Variants in FAM228B observed in about 807,000 individuals in gnomAD.
FAM228B encodes the protein protein FAM228B.
FAM228B carries 38 observed loss-of-function variants against 42.6 expected under a neutral mutation model. The ratio of observed to expected loss-of-function variants is 0.89; its 90% confidence interval spans 0.69 to 1.17. FAM228B has a LOEUF of 1.17. Ranked by LOEUF, FAM228B falls within the 50% of genes most tolerant of loss-of-function variation. FAM228B has a pLI of 0.00. For missense variants in FAM228B, 344 were observed against 367.3 expected (o/e 0.94, Z 0.52); for synonymous variants, 109 against 122.3 (o/e 0.89, Z 0.72).
intron 5 of FAM228B, among the ~76,000 whole-genome samples, chr2:24,145,077 A>C (rs1666861492): frequency 6.6e-6 from 1 of 152,100 alleles, no homozygotes; most frequent in Non-Finnish European, 1.5e-5. Flanking sequence ...ATTGCCCACA[A>C]CATGACCAGT....
intron 1 of FAM228B, chr2:24,079,180 T>C (rs943999485): frequency 1.3e-5 from 6 of 445,974 alleles, no homozygotes; most frequent in East Asian, 3.7e-5. Context: ...CTTCCTAATA[T>C]AGTCAGTGCT....
upstream of FAM228B, chr2:24,122,541 C>G: frequency 6.3e-7 from 1 of 1,598,784 alleles, no homozygotes; most frequent in Non-Finnish European, 8.6e-7. Context: ...CTCATGTTCC[C>G]TCAACTCTGA....
At chr2:24,094,814 C>T (rs1026671449) in intron 2 of FAM228B, among the ~76,000 whole-genome samples, 5 of 152,162 alleles carry the variant, frequency 3.3e-5, no homozygotes, top group Non-Finnish European at 7.3e-5. Context: ...TCAATTGGGC[C>T]GGGTGCGGTG....
At chr2:24,082,985 G>C (rs149172944) in intron 2 of FAM228B, 1 of 1,614,060 alleles carries the variant, frequency 6.2e-7, no homozygotes, top group African/African-American at 1.3e-5. Context: ...GGAGCCCTTC[G>C]GGGACAGTGA....
chr2:24,138,238 A>G, intron 4 of FAM228B, 138 bp downstream of exon 4: 1 of 618,466 alleles, frequency 1.6e-6, no homozygotes, highest in Non-Finnish European at 2.7e-6. Flanking sequence ...AATAGCATAA[A>G]GTATTCTTAA....
intron 2 of FAM228B, among the ~76,000 whole-genome samples, chr2:24,090,992 A>G (rs985924645): frequency 6.6e-6 from 1 of 152,166 alleles, no homozygotes; most frequent in African/African-American, 2.4e-5. Context: ...TGTAGATACG[A>G]GGTTATGCCA....
chr2:24,146,890 C>T lies in FAM228B; in HGVS notation c.530-40C>T, dbSNP rs534890470. 113 of 1,539,092 alleles carry T rather than the reference C, an allele frequency of 7.3e-5. 3 individuals carry two copies. In the South Asian group the frequency reaches 1.3e-3, roughly 18 times the overall value. ...CATAGCCCAAGAGCAATGGCAGATG[C>T]ATTTAAGGATGTTAATTTAGATTTT... On this transcript the variant is annotated intron_variant, in intron 6 of 10. Transcript: ENST00000615575.
rs1664915000 is a variant in FAM228B, at chr2:24,079,634, C to G, written c.-289-1242C>G. ...TATGCAGTCTAGAATAAGATTAACT[C>G]CAGCACCTTCCATAGGAAACAGATT... On this transcript the variant is annotated intron_variant, in intron 1 of 10. Coordinates refer to the FAM228B transcript ENST00000613899. 1 of 1,613,606 alleles carries G rather than the reference C, an allele frequency of 6.2e-7. No individual in the cohort carries two copies. The highest frequency in any genetic ancestry group is 8.5e-7 in the Non-Finnish European group (1 of 1,179,698).
chr2:24,091,260 C>T (rs962336702), intron 2 of FAM228B, among the ~76,000 whole-genome samples: 1 of 152,160 alleles, frequency 6.6e-6, no homozygotes, highest in African/African-American at 2.4e-5. Context: ...GGTGAAACCC[C>T]GCCTCTACTA....
At chr2:24,116,876 CAA>C (rs764310244) in intron 3 of FAM228B, among the ~76,000 whole-genome samples, 4 of 113,558 alleles carry the variant, frequency 3.5e-5, no homozygotes, top group African/African-American at 3.3e-5. Context: ...AACTGTGTCT[CAA>C]AAAAAAAAAA....
At chr2:24,158,215 C>CTTTTTA (rs1335914110) in intron 7 of FAM228B, among the ~76,000 whole-genome samples, 1 of 9,176 alleles carries the variant, frequency 1.1e-4, no homozygotes, top group African/African-American at 5.5e-4. Context: ...TTTTTTTTTC[C>CTTTTTA]AAAACATTGT....
intron 7 of FAM228B, among the ~76,000 whole-genome samples, chr2:24,155,527 ATATATTTTTTTTTTTT>A (rs1197532808): frequency 5.3e-5 from 1 of 19,024 alleles, no homozygotes; most frequent in African/African-American, 1.6e-4. Flanking sequence ...ATATATATAT[ATATATTTTTTTTTTTT>A]TTTTTTTTTT....
intron 2 of FAM228B, among the ~76,000 whole-genome samples, chr2:24,092,609 G>A (rs918186102): frequency 1.3e-5 from 2 of 151,988 alleles, no homozygotes; most frequent in Non-Finnish European, 2.9e-5. Context: ...AAATCATAGC[G>A]ATAGTAACAA....
At chr2:24,141,269 A>C (rs1263405643) in intron 5 of FAM228B, among the ~76,000 whole-genome samples, 3 of 151,764 alleles carry the variant, frequency 2.0e-5, no homozygotes, top group Admixed American at 6.6e-5. Context: ...TTTGAGACGG[A>C]GTCTTGCTCT....
At position 24,138,102 on chromosome 2, in the gene FAM228B, T is replaced by C; in HGVS notation, c.360+2T>C. 2.0e-6 allele frequency: 3 copies of C among 1,516,604 alleles called. No individual in the cohort carries two copies. Among genetic ancestry groups the C allele is most frequent in the Non-Finnish European group, 2.6e-6 (3 of 1,135,878 alleles). The allele number at this position is 1,516,604 out of a possible 1,614,324, so 93.9% of individuals were successfully genotyped here. ...TTTTTAAAACATGTAAATAAAAAGG[T>C]ACTAAGAGATCATTTGATGCTTTTT... On this transcript the variant is annotated splice_donor_variant, in intron 4 of 10. Transcript: ENST00000615575. LOFTEE classifies it high-confidence loss of function.
At chr2:24,097,827 TACATTCTTCTCAGCATC>T (rs1665532354) in intron 3 of FAM228B, among the ~76,000 whole-genome samples, 1 of 152,210 alleles carries the variant, frequency 6.6e-6, no homozygotes, top group Admixed American at 6.5e-5. Flanking sequence ...CAATAGAATA[TACATTCTTCTCAGCATC>T]ACATCACACT....
intron 7 of FAM228B, among the ~76,000 whole-genome samples, chr2:24,159,044 T>A (rs1667228068): frequency 6.6e-6 from 1 of 152,154 alleles, no homozygotes; most frequent in South Asian, 2.1e-4. Flanking sequence ...GCAGTCTCTG[T>A]CTCCATCTTC....
Position 24,125,512 on chromosome 2 carries a change from C to T in FAM228B, c.99+1052C>T, listed in dbSNP as rs189827682. ...TTCTGTTGTAATCCCTCCCTCACATCCCCCCACCACTGCTTTTCTTTCTTT... is the reference window on the plus strand; with the variant it reads ...TTCTGTTGTAATCCCTCCCTCACATTCCCCCACCACTGCTTTTCTTTCTTT... On this transcript the variant is annotated intron_variant, in intron 2 of 10. Coordinates refer to ENST00000615575, the MANE Select transcript of FAM228B (RefSeq NM_001145710.2). Among the ~76,000 whole-genome samples, 92 of 152,216 alleles carry T rather than the reference C, an allele frequency of 6.0e-4. 1 individual carries two copies. In the East Asian group the frequency reaches 0.016, roughly 27 times the overall value.
chr2:24,113,044 T>G (rs1261927600), intron 3 of FAM228B, among the ~76,000 whole-genome samples: 1 of 152,162 alleles, frequency 6.6e-6, no homozygotes, highest in African/African-American at 2.4e-5. Context: ...TGCTCCAGCA[T>G]TTATCATGTG....
Sources: allele counts gnomAD v4.1 joint callset (sites outside exome capture counted in the v4.1 genomes callset), GRCh38; gene constraint gnomAD v4.1.1; transcripts MANE v1.5; gene names NCBI Gene and HGNC (gene_info 2026-07-23, HGNC 2026-07-21).